Variants in IQGAP3 observed in about 807,000 individuals in gnomAD.
IQGAP3 encodes the protein ras GTPase-activating-like protein IQGAP3.
Under a neutral mutation model 208.2 loss-of-function variants are expected in IQGAP3, and 165 were observed. The ratio of observed to expected loss-of-function variants is 0.79; its 90% confidence interval spans 0.70 to 0.90. The LOEUF (loss-of-function observed/expected upper bound fraction) is 0.90, where lower values mean the gene tolerates loss of function less well. Among genes scored for constraint, IQGAP3 ranks in the 40% least tolerant of loss-of-function variants. The probability of loss-of-function intolerance (pLI) is 0.00; values close to 1 mark genes in which losing one functional copy is unlikely to be tolerated. For synonymous variants in IQGAP3, 703 were observed against 803.6 expected (o/e 0.87, Z 2.12); for missense variants, 1,811 against 2,043.1 (o/e 0.89, Z 2.19).
chr1:156,533,193 G>T, intron 31 of IQGAP3, 87 bp from the exon 32 acceptor site: 1 of 1,534,538 alleles, frequency 6.5e-7, no homozygotes, highest in Non-Finnish European at 8.9e-7. Flanking sequence ...GCACCGATGG[G>T]GTCACATTAA....
rs1674496977 is a variant in IQGAP3, at chr1:156,533,109, G to A, written c.3977-3C>T. 2 of 1,613,802 alleles carry A rather than the reference G, an allele frequency of 1.2e-6. No individual in the cohort carries two copies. Among genetic ancestry groups the A allele is most frequent in the South Asian group, 1.1e-5 (1 of 91,068 alleles). On this transcript the variant is annotated splice_region_variant and splice_polypyrimidine_tract_variant and intron_variant, in intron 31 of 37. Coordinates refer to ENST00000361170, the MANE Select transcript of IQGAP3 (RefSeq NM_178229.5). Reference sequence around the variant, plus strand: ...CCCATCTGCAGCGATGCTCTCACCTGAGGTGTGGTGAGGAATGAGAGGGAG... The same window carrying A: ...CCCATCTGCAGCGATGCTCTCACCTAAGGTGTGGTGAGGAATGAGAGGGAG...
In IQGAP3 at chr1:156,554,289, C is replaced by T; in HGVS notation, c.1394G>A (p.Ser465Asn). 1 of 1,614,046 alleles carries T rather than the reference C, an allele frequency of 6.2e-7. No homozygotes were observed. Among genetic ancestry groups the T allele is most frequent in the Non-Finnish European group, 8.5e-7 (1 of 1,179,986 alleles). The change falls in exon 13 of 38, where the codon AGC becomes AAC. Residue 465 changes from serine to asparagine, a missense_variant. Transcript: ENST00000361170. The stretch of plus-strand genomic sequence containing the variant: ...CAGGCCTGTGGCAGGGTTCACCAGG[C>T]TGCTCCAGAAGCCACTGGCATCCCG... ...EARDASGFWS[S>N]LVNPATGLAE...
At chr1:156,531,334 G>T in intron 32 of IQGAP3, 87 bp from the exon 33 acceptor site, 1 of 970,758 alleles carries the variant, frequency 1.0e-6, no homozygotes. Context: ...GAGAGTAAGT[G>T]GACCGTGCTC....
rs1325003811 is a variant in IQGAP3, at chr1:156,562,680, T to C, written c.799-15A>G. ...TCTCTGTCATCCTGCAAAAACTCCA[T>C]TGAAAGGGAACCTGGGAAACCCAAT... On this transcript the variant is annotated splice_polypyrimidine_tract_variant and intron_variant, in intron 8 of 37. Coordinates refer to ENST00000361170, the MANE Select transcript of IQGAP3 (RefSeq NM_178229.5). 6.2e-7 allele frequency: 1 copy of C among 1,608,328 alleles called. No individual in the cohort carries two copies. The highest frequency in any genetic ancestry group is 8.5e-7 in the Non-Finnish European group (1 of 1,174,724).
chr1:156,535,928 G>GTCT (rs1221058489), intron 27 of IQGAP3, among the ~76,000 whole-genome samples: 1 of 152,208 alleles, frequency 6.6e-6, no homozygotes, highest in African/African-American at 2.4e-5. Context: ...GTCTGCGAGA[G>GTCT]TAACGTATAA....
intron 19 of IQGAP3, among the ~76,000 whole-genome samples, chr1:156,546,166 C>G (rs189587958): frequency 1.3e-5 from 2 of 152,238 alleles, no homozygotes; most frequent in East Asian, 3.9e-4. Flanking sequence ...TACTCACTAC[C>G]CAACCTCCAC....
At position 156,551,717 on chromosome 1, in the gene IQGAP3, C is replaced by T. The variant is rs368294872; in HGVS notation, c.1722G>A (p.Arg574=). The part of the protein sequence containing the change: ...RYHLLLVAAK[R]QKAQVTGDPG... ...GCCCTAACTTCACCTGGGCCTTCTGCCTTTTGGCTGCCACAAGGAGGAGAT... is the reference window on the plus strand; with the variant it reads ...GCCCTAACTTCACCTGGGCCTTCTGTCTTTTGGCTGCCACAAGGAGGAGAT... Residue 574 remains arginine, a synonymous_variant, in exon 15 of 38, where the codon AGG becomes AGA. Coordinates refer to ENST00000361170, the MANE Select transcript of IQGAP3 (RefSeq NM_178229.5). The T allele has an allele frequency of 1.7e-5, 27 of 1,610,860 alleles. No individual in the cohort carries two copies. Among genetic ancestry groups the T allele is most frequent in the Non-Finnish European group, 2.3e-5 (27 of 1,179,008 alleles).
At position 156,561,955 on chromosome 1, in the gene IQGAP3, G is replaced by A. The variant is rs750317377; in HGVS notation, c.924C>T (p.Ser308=). Residue 308 remains serine (S), a synonymous_variant, in exon 10 of 38, where the codon AGC becomes AGT. Transcript: ENST00000361170. ...GAAGGGCCTTGAGCAAGGCTTCAGG[G>A]CTCTGTCTTTCCAGGGCATCATCAA... The part of the protein sequence containing the change: ...EVVDDALERQ[S]PEALLKALQD... 5.6e-6 allele frequency: 9 copies of A among 1,613,718 alleles called. No homozygotes were observed. The highest frequency in any genetic ancestry group is 2.2e-5 in the East Asian group (1 of 44,876).
At chr1:156,539,322 G>T in intron 25 of IQGAP3, 52 bp downstream of exon 25, 1 of 1,551,262 alleles carries the variant, frequency 6.4e-7, no homozygotes, top group East Asian at 2.2e-5. Context: ...GAGCCAACAG[G>T]GGGATCTCTT....
Position 156,563,268 on chromosome 1 carries a change from C to A in IQGAP3, c.664G>T (p.Val222Leu). ...LAINEAVERG[V>L]VEDTLAALQN... ...AAGGCAGCCAGGGTGTCCTCCACCA[C>A]CCCTCGCTCCACTGCTTCATTGATG... The change falls in exon 8 of 38, where the codon GTG becomes TTG. Residue 222 changes from valine to leucine, a missense_variant. Physicochemically the swap from Val to Leu is conservative, Grantham distance 32. Transcript: ENST00000361170. 8.7e-6 allele frequency: 14 copies of A among 1,610,604 alleles called. No individual in the cohort carries two copies. The highest frequency in any genetic ancestry group is 1.2e-5 in the Non-Finnish European group (14 of 1,177,364).
chr1:156,551,761 G>T lies in IQGAP3; in HGVS notation c.1678C>A (p.Pro560Thr), dbSNP rs752178143. The T allele has an allele frequency of 1.2e-6, 2 of 1,614,016 alleles. No individual in the cohort carries two copies. The highest frequency in any genetic ancestry group is 1.7e-6 in the Non-Finnish European group (2 of 1,180,018). The part of the protein sequence containing the change: ...PAAGLDDVSL[P>T]VAPRYHLLLV... ...AGGAGATGGTACCGAGGGGCGACAG[G>T]GAGGCTGACATCATCTAGGCCAGCT... Residue 560 changes from proline (P) to threonine (T), a missense_variant, in exon 15 of 38, where the codon CCT (proline) becomes ACT (threonine). Coordinates refer to ENST00000361170, the MANE Select transcript of IQGAP3 (RefSeq NM_178229.5).
intron 7 of IQGAP3, 28 bp from the exon 8 acceptor site, chr1:156,563,340 G>A (rs1258855788): frequency 1.3e-6 from 2 of 1,561,886 alleles, no homozygotes; most frequent in Non-Finnish European, 1.7e-6. Flanking sequence ...AACAAGGTCA[G>A]GAGGCCAGAG....
chr1:156,542,814 G>A (rs1474513012), intron 22 of IQGAP3, among the ~76,000 whole-genome samples: 2 of 152,076 alleles, frequency 1.3e-5, no homozygotes, highest in African/African-American at 2.4e-5. Context: ...GGTGGTGTAC[G>A]CCTCCAGTCC....
chr1:156,553,066 C>G (rs1488362901), intron 13 of IQGAP3, among the ~76,000 whole-genome samples: 1 of 151,970 alleles, frequency 6.6e-6, no homozygotes, highest in Non-Finnish European at 1.5e-5. Context: ...AGAGCAAGGC[C>G]CTGAGCTGTG....
chr1:156,569,355 A>C, intron 2 of IQGAP3, 21 bp downstream of exon 2: 4 of 1,547,938 alleles, frequency 2.6e-6, no homozygotes, highest in Non-Finnish European at 3.6e-6. Flanking sequence ...GAAAGAGTCC[A>C]TCTTCCTGGA....
chr1:156,534,673 A>C lies in IQGAP3; in HGVS notation c.3568T>G (p.Phe1190Val). The C allele has an allele frequency of 6.2e-7, 1 of 1,611,172 alleles. No individual in the cohort carries two copies. The highest frequency in any genetic ancestry group is 1.7e-5 in the Admixed American group (1 of 59,604). The change falls in exon 29 of 38, where the codon TTC (phenylalanine) becomes GTC (valine). Residue 1190 changes from phenylalanine (F) to valine (V), a missense_variant. Transcript: ENST00000361170. ...CCAGCTGCCATGGCCACAATGTCGA[A>C]GGCGTCAGGAGCCACCACAGCTGGG... ...LNPAVVAPDA[F>V]DIVAMAAGGA...
At chr1:156,566,354 G>A (rs370477856) in intron 3 of IQGAP3, 36 bp downstream of exon 3, 98 of 1,605,686 alleles carry the variant, frequency 6.1e-5, no homozygotes, top group Middle Eastern at 3.4e-4. Context: ...ATAGTTTGAG[G>A]GGACGAAGGT....
rs775224812 is a variant in IQGAP3 at position 156,539,544 on chromosome 1, G to A, written c.2893-7C>T. The stretch of plus-strand genomic sequence containing the variant: ...CCAGGTAGATGGGCTGAGTCTGCAA[G>A]CAAGAGGGGAGACAGGAATGGCTGA... On this transcript the variant is annotated splice_polypyrimidine_tract_variant and splice_region_variant and intron_variant, in intron 24 of 37. Coordinates refer to ENST00000361170, the MANE Select transcript of IQGAP3 (RefSeq NM_178229.5). 2 of 1,614,058 alleles carry A rather than the reference G, an allele frequency of 1.2e-6. No homozygotes were observed. The highest frequency in any genetic ancestry group is 8.5e-7 in the Non-Finnish European group (1 of 1,179,928).
chr1:156,572,252 T>C (rs910212089), intron 1 of IQGAP3, among the ~76,000 whole-genome samples: 4 of 152,214 alleles, frequency 2.6e-5, no homozygotes, highest in Non-Finnish European at 2.9e-5. Flanking sequence ...AACTTGGAAA[T>C]AGGAAGAAAG....
Sources: gnomAD v4.1 joint callset for allele counts (sites outside exome capture counted in the v4.1 genomes callset) on GRCh38, gnomAD v4.1.1 for gene constraint, MANE v1.5 for transcripts, NCBI Gene and HGNC (gene_info 2026-07-23, HGNC 2026-07-21) for gene names.